ANXA4: variants seen among roughly 807,000 people sequenced by gnomAD.
ANXA4 encodes the protein annexin A4.
In ANXA4, 39 loss-of-function variants were observed where a neutral mutation model predicts 49.8. The ratio of observed to expected loss-of-function variants is 0.78; its 90% CI spans 0.61 to 1.02. The LOEUF (loss-of-function observed/expected upper bound fraction) is 1.02, where lower values mean the gene tolerates loss of function less well. Ranked by LOEUF, ANXA4 falls within the 50% of genes least tolerant of loss-of-function variation. ANXA4 has a pLI of 0.00. For synonymous variants in ANXA4, 134 were observed against 152.5 expected, an observed-to-expected ratio of 0.88 and a Z score of 0.89; for missense variants, 360 against 410.1, an observed-to-expected ratio of 0.88 and a Z score of 1.05.
intron 2 of ANXA4, among the ~76,000 whole-genome samples, chr2:69,661,221 CA>C (rs201916139): frequency 0.023 from 1,590 of 67,740 alleles, 17 homozygotes; most frequent in African/African-American, 0.052. Flanking sequence ...AAGCTTCAGA[CA>C]AAAAAAAAAA....
chr2:69,744,273 C>G (rs910693009), intron 1 of ANXA4, among the ~76,000 whole-genome samples: 6 of 152,170 alleles, frequency 3.9e-5, no homozygotes, highest in Non-Finnish European at 7.4e-5. Flanking sequence ...CACCATTGCA[C>G]TGCAGCCTGG....
chr2:69,810,436 A>C, intron 6 of ANXA4, 158 bp from the exon 7 acceptor site: 1 of 621,016 alleles, frequency 1.6e-6, no homozygotes, highest in Admixed American at 2.5e-5. Context: ...ATTTTACCAG[A>C]GTTTAGTTTT....
At chr2:69,797,345 C>A (rs1429839212) in intron 3 of ANXA4, among the ~76,000 whole-genome samples, 1 of 152,110 alleles carries the variant, frequency 6.6e-6, no homozygotes, top group Non-Finnish European at 1.5e-5. Context: ...CAGGTGTGAC[C>A]CCCAAGCGTA....
At chr2:69,802,377 G>T (rs1414984218) in intron 3 of ANXA4, among the ~76,000 whole-genome samples, 13 of 152,202 alleles carry the variant, frequency 8.5e-5, no homozygotes, top group African/African-American at 2.4e-5. Context: ...CATTTTGCAT[G>T]ACCGTGGACT....
intron 2 of ANXA4, among the ~76,000 whole-genome samples, chr2:69,667,589 T>C (rs1676985652): frequency 6.6e-6 from 1 of 152,192 alleles, no homozygotes; most frequent in South Asian, 2.1e-4. Context: ...ATGTGATGTA[T>C]GGGGATGCTG....
intron 3 of ANXA4, among the ~76,000 whole-genome samples, chr2:69,799,090 G>T (rs1673075208): frequency 6.6e-6 from 1 of 152,150 alleles, no homozygotes; most frequent in Non-Finnish European, 1.5e-5. Flanking sequence ...AGGGCCTGAT[G>T]GTTTAGCTGC....
chr2:69,748,884 G>A (rs535031757), intron 1 of ANXA4, among the ~76,000 whole-genome samples: 5 of 151,812 alleles, frequency 3.3e-5, no homozygotes, highest in African/African-American at 9.7e-5. Flanking sequence ...CTAATTTTCT[G>A]TATTTTTTTG....
At chr2:69,781,717 T>A in intron 2 of ANXA4, 143 bp downstream of exon 2, 1 of 930,754 alleles carries the variant, frequency 1.1e-6, no homozygotes, top group Non-Finnish European at 1.6e-6. Flanking sequence ...GGTCTATTTC[T>A]AAACATCATT....
chr2:69,656,813 G>T (rs1286495467), intron 2 of ANXA4, among the ~76,000 whole-genome samples: 2 of 152,070 alleles, frequency 1.3e-5, no homozygotes, highest in African/African-American at 4.8e-5. Context: ...GTCTCCTCAA[G>T]TGCTGAGATT....
chr2:69,660,479 A>G (rs902047785), intron 2 of ANXA4, among the ~76,000 whole-genome samples: 22 of 152,224 alleles, frequency 1.4e-4, no homozygotes, highest in African/African-American at 5.3e-4. Context: ...AAACAAGAGC[A>G]CTGGAGCCTT....
At chr2:69,756,672 G>A (rs1382989746) in intron 1 of ANXA4, among the ~76,000 whole-genome samples, 2 of 152,004 alleles carry the variant, frequency 1.3e-5, no homozygotes, top group African/African-American at 4.8e-5. Context: ...GGAAAAGATG[G>A]ACAGGTATAA....
At chr2:69,674,482 A>G (rs796181412) in intron 2 of ANXA4, 1 of 152,194 alleles carries the variant, frequency 6.6e-6, no homozygotes, top group Admixed American at 6.5e-5. Flanking sequence ...TGTGTAATCA[A>G]TGGGAACACA....
At chr2:69,648,098 G>C (rs879913643) in intron 1 of ANXA4, among the ~76,000 whole-genome samples, 10 of 152,102 alleles carry the variant, frequency 6.6e-5, no homozygotes, top group Non-Finnish European at 1.3e-4. Flanking sequence ...AAAGGAAAGG[G>C]GACCACCATT....
At chr2:69,803,176 G>A (rs1481799608) in intron 3 of ANXA4, among the ~76,000 whole-genome samples, 6 of 149,888 alleles carry the variant, frequency 4.0e-5, no homozygotes, top group South Asian at 2.1e-4. Context: ...GTGACAGAGC[G>A]AAACTCCATC....
intron 5 of ANXA4, among the ~76,000 whole-genome samples, chr2:69,806,739 G>A (rs1455381501): frequency 1.3e-5 from 2 of 152,170 alleles, no homozygotes; most frequent in Non-Finnish European, 1.5e-5. Flanking sequence ...ACTAAGGCAG[G>A]AACAGAAAAT....
At chr2:69,769,371 G>A (rs574346257) in intron 1 of ANXA4, among the ~76,000 whole-genome samples, 35 of 152,328 alleles carry the variant, frequency 2.3e-4, no homozygotes, top group African/African-American at 7.0e-4. Context: ...CACTACTGTA[G>A]TATCTAGTGG....
At chr2:69,717,153 G>A (rs932455464) in intron 2 of ANXA4, among the ~76,000 whole-genome samples, 38 of 152,318 alleles carry the variant, frequency 2.5e-4, no homozygotes, top group African/African-American at 8.7e-4. Flanking sequence ...GCAGGAGGTG[G>A]CTGAAGATGA....
rs1349540007 is a variant in ANXA4, at chr2:69,731,976, C to CTTTT, written n.864+11108_864+11109insTTTT. 5.9e-4 allele frequency among the ~76,000 whole-genome samples: 63 copies of CTTTT among 106,984 alleles called. 5 individuals carry two copies. Among genetic ancestry groups the CTTTT allele is most frequent in the African/African-American group, 2.2e-3 (54 of 24,914 alleles). 70.2% of individuals were successfully genotyped at this position (106,984 alleles called of 152,430 possible). A position where few individuals can be genotyped will look rare whatever the true frequency, so the allele number is the denominator to read the frequency against. On this transcript the variant is annotated intron_variant and non_coding_transcript_variant, in intron 3 of 3. Transcript: ENST00000418066. ...CTATTTCTTAGTTACATTTTCTTTT[C>CTTTT]TTTCTTTTTTTTTTTTTTTTTTGAG...
At chr2:69,661,788 T>C (rs1676732930) in intron 2 of ANXA4, among the ~76,000 whole-genome samples, 1 of 152,078 alleles carries the variant, frequency 6.6e-6, no homozygotes, top group Admixed American at 6.5e-5. Context: ...AAAGTGGGTG[T>C]GTAGGTGAGA....
Sources: gnomAD v4.1 joint callset for allele counts (sites outside exome capture counted in the v4.1 genomes callset) on GRCh38, gnomAD v4.1.1 for gene constraint, MANE v1.5 for transcripts, NCBI Gene and HGNC (gene_info 2026-07-23, HGNC 2026-07-21) for gene names.